CADM2: variants seen among roughly 807,000 people sequenced by gnomAD.
CADM2 encodes the protein cell adhesion molecule 2, also known as immunoglobulin superfamily member 4D.
A neutral mutation model predicts 49.8 loss-of-function variants in CADM2; 12 were observed. That is an observed-to-expected ratio of 0.24 (90% CI 0.15 to 0.39). The LOEUF is 0.39. Among genes scored for constraint, CADM2 ranks in the 10% least tolerant of loss-of-function variants. The probability of loss-of-function intolerance (pLI) is 1.00; values close to 1 mark genes in which losing one functional copy is unlikely to be tolerated. For synonymous variants in CADM2, 214 were observed against 175.4 expected, an observed-to-expected ratio of 1.22 and a Z score of -1.74; for missense variants, 378 against 492.3, an observed-to-expected ratio of 0.77 and a Z score of 2.20.
intron 7 of CADM2, among the ~76,000 whole-genome samples, chr3:85,941,129 C>A (rs1406171877): frequency 6.6e-6 from 1 of 151,972 alleles, no homozygotes; most frequent in Non-Finnish European, 1.5e-5. Context: ...TTAATAATGA[C>A]AGTGTATATG....
At chr3:85,122,799 C>A (rs1262276658) in intron 1 of CADM2, among the ~76,000 whole-genome samples, 1 of 152,042 alleles carries the variant, frequency 6.6e-6, no homozygotes, top group East Asian at 1.9e-4. Context: ...ACCTTAAAGT[C>A]ATGTAAAAAC....
chr3:86,009,416 C>T (rs1731217413), intron 8 of CADM2, among the ~76,000 whole-genome samples: 1 of 151,300 alleles, frequency 6.6e-6, no homozygotes, highest in Non-Finnish European at 1.5e-5. Context: ...AAATTTATTT[C>T]ATTGTTTTTT....
At chr3:85,023,617 A>C (rs1314200438) in intron 1 of CADM2, among the ~76,000 whole-genome samples, 1 of 152,080 alleles carries the variant, frequency 6.6e-6, no homozygotes. Flanking sequence ...AAGAATATGA[A>C]GCATCTGTTA....
In CADM2 at chr3:85,898,937, G is replaced by GTGTGTATATATATATA. The variant is rs796467067; in HGVS notation, c.529+12611_529+12612insGTGTATATATATATAT. Among the ~76,000 whole-genome samples the GTGTGTATATATATATA allele has an allele frequency of 1.5e-3, 69 of 45,998 alleles. 1 individual carries two copies. Among genetic ancestry groups the GTGTGTATATATATATA allele is most frequent in the African/African-American group, 2.8e-3 (24 of 8,584 alleles). 30.2% of individuals were successfully genotyped at this position (45,998 alleles called of 152,430 possible). A position where few individuals can be genotyped will look rare whatever the true frequency, so the allele number is the denominator to read the frequency against. On this transcript the variant is annotated intron_variant, in intron 5 of 9. Coordinates refer to ENST00000383699, the MANE Select transcript of CADM2 (RefSeq NM_001167675.2). ...TCATAAAATCCAATTCATTTATTGT[G>GTGTGTATATATATATA]TATATATATATATATATATTTTTTT... is the stretch of plus-strand genomic sequence containing the variant.
chr3:85,369,222 G>A (rs1332918849), intron 1 of CADM2, among the ~76,000 whole-genome samples: 1 of 152,178 alleles, frequency 6.6e-6, no homozygotes, highest in Admixed American at 6.5e-5. Flanking sequence ...ATGGCGAATT[G>A]TACCACAGTG....
chr3:86,055,784 C>A (rs1327399653), intron 8 of CADM2, among the ~76,000 whole-genome samples: 2 of 152,104 alleles, frequency 1.3e-5, no homozygotes, highest in Non-Finnish European at 2.9e-5. Context: ...CAGACCTTAG[C>A]AGATTCATTA....
intron 1 of CADM2, among the ~76,000 whole-genome samples, chr3:85,330,793 C>CA (rs71617938): frequency 0.45 from 50,644 of 112,824 alleles, 11,509 homozygotes; most frequent in Middle Eastern, 0.58. Context: ...TCCATCTCTC[C>CA]AAAAAAAAAA....
At chr3:85,543,420 A>ATGTGTGTGTG (rs34654299) in intron 1 of CADM2, among the ~76,000 whole-genome samples, 16 of 129,642 alleles carry the variant, frequency 1.2e-4, no homozygotes, top group African/African-American at 3.7e-4. Flanking sequence ...TGCCAAGCTA[A>ATGTGTGTGTG]TGTGTGTGTG....
Position 85,385,800 on chromosome 3 carries a change from CT to C in CADM2, c.62-340707del, listed in dbSNP as rs3086134. On this transcript the variant is annotated intron_variant, in intron 1 of 9. Transcript: ENST00000383699. ...AAAACAGCAAAGTGTTTCTCTCTCTCTTTTTTTTTTTTTTTGGAAACTAGAT... is the reference window on the plus strand; with the variant it reads ...AAAACAGCAAAGTGTTTCTCTCTCTCTTTTTTTTTTTTTTGGAAACTAGAT... 816 of 127,460 alleles carry C rather than the reference CT, an allele frequency of 6.4e-3. 6 individuals are homozygous for C. Among genetic ancestry groups the C allele is most frequent in the South Asian group, 0.018 (69 of 3,912 alleles). 7.9% of individuals were successfully genotyped at this position (127,460 alleles called of 1,614,324 possible).
chr3:85,469,611 A>G (rs1043463498), intron 1 of CADM2, among the ~76,000 whole-genome samples: 1 of 152,208 alleles, frequency 6.6e-6, no homozygotes, highest in South Asian at 2.1e-4. Flanking sequence ...AATTTAAGTT[A>G]AGAAAATAGT....
intron 1 of CADM2, among the ~76,000 whole-genome samples, chr3:85,335,988 C>T (rs1365468553): frequency 6.6e-6 from 1 of 151,500 alleles, no homozygotes; most frequent in Non-Finnish European, 1.5e-5. Flanking sequence ...TCGATATGCA[C>T]TCATCCTCTA....
chr3:85,701,714 C>T (rs557570823), intron 1 of CADM2, among the ~76,000 whole-genome samples: 1 of 152,226 alleles, frequency 6.6e-6, no homozygotes, highest in East Asian at 1.9e-4. Flanking sequence ...TGCATATCAG[C>T]TTCTAAACTG....
intron 1 of CADM2, among the ~76,000 whole-genome samples, chr3:85,351,941 T>C (rs1432275011): frequency 2.6e-5 from 4 of 152,034 alleles, no homozygotes; most frequent in African/African-American, 4.8e-5. Context: ...GTGGAAATAA[T>C]ATATATTTCC....
At chr3:85,569,259 A>G (rs558526834) in intron 1 of CADM2, among the ~76,000 whole-genome samples, 5 of 152,212 alleles carry the variant, frequency 3.3e-5, no homozygotes, top group African/African-American at 1.2e-4. Context: ...AGACGCATGT[A>G]AATTGTTGCA....
intron 3 of CADM2, among the ~76,000 whole-genome samples, chr3:85,860,878 A>G (rs2075504163): frequency 6.6e-6 from 1 of 152,156 alleles, no homozygotes; most frequent in South Asian, 2.1e-4. Flanking sequence ...GGGTGAAAGC[A>G]CCACAAAATG....
At position 85,944,509 on chromosome 3, in the gene CADM2, C is replaced by A. The variant is rs563157787; in HGVS notation, c.791+8652C>A. Among the ~76,000 whole-genome samples the A allele has an allele frequency of 2.4e-4, 37 of 152,026 alleles. 1 individual carries two copies. Among genetic ancestry groups the A allele is most frequent in the South Asian group, 1.0e-3 (5 of 4,808 alleles). ...ACAGCACACCTATTCCAAAATTGAC[C>A]ACAGAGTTGGAAGTAAAGCACTCCT... On this transcript the variant is annotated intron_variant, in intron 7 of 9. Transcript: ENST00000383699.
intron 1 of CADM2, among the ~76,000 whole-genome samples, chr3:85,101,073 G>A (rs2037993362): frequency 6.6e-6 from 1 of 152,122 alleles, no homozygotes; most frequent in Non-Finnish European, 1.5e-5. Flanking sequence ...GGCCAGCATG[G>A]TGAAACCCTA....
At chr3:85,394,193 G>A (rs72905468) in intron 1 of CADM2, among the ~76,000 whole-genome samples, 5,911 of 151,944 alleles carry the variant, frequency 0.039, 387 homozygotes, top group African/African-American at 0.13. Flanking sequence ...GAATTATCTC[G>A]GTTATTCTTT....
chr3:85,589,657 T>C lies in CADM2; in HGVS notation c.62-136865T>C, dbSNP rs905465509. ...AATATTTTTAGTATTGATATTTACATACAGTTTTCTCTTTGCTTCTGTTAA... is the reference window on the plus strand; with the variant it reads ...AATATTTTTAGTATTGATATTTACACACAGTTTTCTCTTTGCTTCTGTTAA... On this transcript the variant is annotated intron_variant, in intron 1 of 9. Coordinates refer to ENST00000383699, the MANE Select transcript of CADM2 (RefSeq NM_001167675.2). 4.3e-4 allele frequency among the ~76,000 whole-genome samples: 65 copies of C among 152,084 alleles called. 2 individuals carry two copies. The highest frequency in any genetic ancestry group is 1.5e-5 in the Non-Finnish European group (1 of 67,990).
Sources: gnomAD v4.1 joint callset for allele counts (sites outside exome capture counted in the v4.1 genomes callset) on GRCh38, gnomAD v4.1.1 for gene constraint, MANE v1.5 for transcripts, NCBI Gene and HGNC (gene_info 2026-07-23, HGNC 2026-07-21) for gene names.